Variants in NID2 observed in about 807,000 individuals in gnomAD.
NID2 encodes nidogen-2.
A neutral mutation model predicts 145.4 loss-of-function variants in NID2; 83 were observed. That is an observed-to-expected ratio of 0.57 (90% CI 0.48 to 0.69). The LOEUF is 0.69. Ranked by LOEUF, NID2 falls within the 30% of genes least tolerant of loss-of-function variation. The pLI is 0.00. For synonymous variants in NID2, 739 were observed against 701.3 expected, an observed-to-expected ratio of 1.05 and a Z score of -0.85; for missense variants, 1,807 against 1,765.7, an observed-to-expected ratio of 1.02 and a Z score of -0.42.
chr14:52,038,368 T>C (rs1393977800), intron 9 of NID2, among the ~76,000 whole-genome samples: 1 of 152,248 alleles, frequency 6.6e-6, no homozygotes, highest in Non-Finnish European at 1.5e-5. Flanking sequence ...ACATCTTTTC[T>C]GAATCTTCAA....
At chr14:52,031,030 C>A (rs1344723090) in intron 9 of NID2, among the ~76,000 whole-genome samples, 1 of 152,222 alleles carries the variant, frequency 6.6e-6, no homozygotes, top group Non-Finnish European at 1.5e-5. Flanking sequence ...CAGGGTTACA[C>A]AGTCAGAAGA....
At chr14:52,031,970 A>G (rs538169420) in intron 9 of NID2, among the ~76,000 whole-genome samples, 1 of 152,288 alleles carries the variant, frequency 6.6e-6, no homozygotes, top group East Asian at 1.9e-4. Flanking sequence ...CTCCTAATCT[A>G]GATCCCAAGT....
chr14:52,063,972 A>G (rs1343699892), intron 2 of NID2, among the ~76,000 whole-genome samples: 1 of 152,178 alleles, frequency 6.6e-6, no homozygotes, highest in Non-Finnish European at 1.5e-5. Context: ...ATTTCCATAT[A>G]TGGTTCAGCA....
At position 52,010,850 on chromosome 14, in the gene NID2, A is replaced by G. The variant is rs774608981; in HGVS notation, c.3722+26T>C. 4.4e-6 allele frequency: 7 copies of G among 1,605,586 alleles called. No individual in the cohort carries two copies. In the African/African-American group the frequency reaches 9.4e-5, roughly 21 times the overall value. On this transcript the variant is annotated intron_variant, in intron 18 of 21. Transcript: ENST00000216286. ...CTTCACATCAGGATCTACAGGTAAG[A>G]GAAGAATTAGGGAAGCCCAGCTGAC... is the stretch of plus-strand genomic sequence containing the variant.
chr14:52,031,085 C>T (rs957074055), intron 9 of NID2, among the ~76,000 whole-genome samples: 1 of 152,190 alleles, frequency 6.6e-6, no homozygotes, highest in Non-Finnish European at 1.5e-5. Flanking sequence ...GGTTCCATAG[C>T]TCATGCTTTC....
intron 18 of NID2, 180 bp from the exon 19 acceptor site, chr14:52,008,147 T>C (rs1483864958): frequency 5.8e-6 from 3 of 513,868 alleles, no homozygotes; most frequent in South Asian, 6.5e-5. Flanking sequence ...GCAGAAGTGA[T>C]AGGCTATCAC....
Position 52,038,974 on chromosome 14 carries a change from A to C in NID2, c.2030T>G (p.Val677Gly). The C allele has an allele frequency of 6.3e-7, 1 of 1,597,590 alleles. No individual in the cohort carries two copies. Among genetic ancestry groups the C allele is most frequent in the Non-Finnish European group, 8.5e-7 (1 of 1,171,462 alleles). ...GTAGTCTCTGGAACTTGTAGAGGTC[A>C]CAGCTGCAACAAACACAGTGGTAAT... ...KELYHYSDST[V>G]TSTSSRDYSL... Residue 677 changes from valine (V) to glycine (G), a missense_variant, in exon 9 of 22, where the codon GTG (valine) becomes GGG (glycine). Physicochemically the swap from Val to Gly is moderately radical, Grantham distance 109. Coordinates refer to ENST00000216286, the MANE Select transcript of NID2 (RefSeq NM_007361.4).
intron 1 of NID2, among the ~76,000 whole-genome samples, chr14:52,068,484 G>A (rs1468569190): frequency 6.6e-6 from 1 of 152,216 alleles, no homozygotes; most frequent in Non-Finnish European, 1.5e-5. Flanking sequence ...GCCTTCTCGC[G>A]GTCCTAACTG....
chr14:52,016,685 T>C (rs1151583), intron 14 of NID2, among the ~76,000 whole-genome samples: 51,953 of 152,058 alleles, frequency 0.34, 10,039 homozygotes, highest in East Asian at 0.73. Context: ...TCCACCCTTC[T>C]ATGCCCTCAC....
Position 52,053,836 on chromosome 14 carries a change from G to GTC in NID2, c.1170_1171dup (p.Thr391ArgfsTer10). ...TACCTCTGGTGGAGCTGGGCTTCTG[G>GTC]TCTCTCTCTCATCCCAGGGCTCAAC... On this transcript the variant is annotated frameshift_variant, in exon 5 of 22. Transcript: ENST00000216286. LOFTEE classifies it high-confidence loss of function. 1 of 1,614,100 alleles carries GTC rather than the reference G, an allele frequency of 6.2e-7. No individual in the cohort carries two copies. The highest frequency in any genetic ancestry group is 8.5e-7 in the Non-Finnish European group (1 of 1,180,020).
rs1217782419 is a variant in NID2 at position 52,042,776 on chromosome 14, A to C, written c.1579+6T>G. The C allele has an allele frequency of 6.2e-7, 1 of 1,613,912 alleles. No homozygotes were observed. Among genetic ancestry groups the C allele is most frequent in the Non-Finnish European group, 8.5e-7 (1 of 1,179,940 alleles). On this transcript the variant is annotated splice_donor_region_variant and intron_variant, in intron 6 of 21. Transcript: ENST00000216286. ...CACACAGGAGTTCCTGGCCCCAGTC[A>C]ATTACCTTCAGGCAGACAGTGCTTC... is the stretch of plus-strand genomic sequence containing the variant.
chr14:52,011,131 G>A (rs1009483609), intron 17 of NID2, 84 bp from the exon 18 acceptor site: 20 of 1,395,248 alleles, frequency 1.4e-5, no homozygotes, highest in Non-Finnish European at 1.8e-5. Flanking sequence ...GGGTGGGCAG[G>A]GGGGTCAGCA....
chr14:52,042,403 G>T, intron 6 of NID2, 53 bp from the exon 7 acceptor site: 1 of 1,543,168 alleles, frequency 6.5e-7, no homozygotes, highest in Non-Finnish European at 8.8e-7. Context: ...CTAGAGATGG[G>T]TGTACCCAGG....
chr14:52,008,143 G>GTGAT (rs1890866734), intron 18 of NID2, 176 bp from the exon 19 acceptor site: 1 of 523,152 alleles, frequency 1.9e-6, no homozygotes. Context: ...TATAGCAGAA[G>GTGAT]TGATAGGCTA....
rs200315854 is a variant in NID2 at position 52,040,799 on chromosome 14, C to T, written c.1878G>A (p.Thr626=). 36 of 1,614,132 alleles carry T rather than the reference C, an allele frequency of 2.2e-5. No homozygotes were observed. Among genetic ancestry groups the T allele is most frequent in the Admixed American group, 1.5e-4 (9 of 60,026 alleles). The change falls in exon 8 of 22, where the codon ACG becomes ACA. Residue 626 remains threonine (T), a synonymous_variant. Coordinates refer to ENST00000216286, the MANE Select transcript of NID2 (RefSeq NM_007361.4). The part of the protein sequence containing the change: ...MEVTFYPGEE[T]VRITQTAEGL... Reference sequence around the variant, plus strand: ...CCTCAGCAGTTTGAGTGATACGAACCGTCTCCTCTCCCGGGTAGAATGTAA... The same window carrying T: ...CCTCAGCAGTTTGAGTGATACGAACTGTCTCCTCTCCCGGGTAGAATGTAA...
intron 12 of NID2, among the ~76,000 whole-genome samples, chr14:52,024,413 C>T (rs901170263): frequency 7.2e-5 from 11 of 152,196 alleles, no homozygotes; most frequent in Non-Finnish European, 7.4e-5. Flanking sequence ...AGCAAGGAAC[C>T]AAGGCTTTCA....
intron 2 of NID2, among the ~76,000 whole-genome samples, chr14:52,064,277 T>C (rs1276163697): frequency 1.3e-5 from 2 of 152,216 alleles, no homozygotes; most frequent in African/African-American, 4.8e-5. Context: ...AACAAAATAC[T>C]TGAAATTGGG....
At chr14:52,067,629 G>A (rs1566779328) in intron 2 of NID2, among the ~76,000 whole-genome samples, 1 of 152,154 alleles carries the variant, frequency 6.6e-6, no homozygotes, top group Non-Finnish European at 1.5e-5. Context: ...TCTCATATCC[G>A]CTAAGCATTT....
chr14:52,037,850 A>G (rs1892129302), intron 9 of NID2, among the ~76,000 whole-genome samples: 1 of 152,244 alleles, frequency 6.6e-6, no homozygotes, highest in Admixed American at 6.5e-5. Context: ...TGCAATGTAC[A>G]AGTACTGCAC....
Sources: gnomAD v4.1 joint callset for allele counts (sites outside exome capture counted in the v4.1 genomes callset) on GRCh38, gnomAD v4.1.1 for gene constraint, MANE v1.5 for transcripts, NCBI Gene and HGNC (gene_info 2026-07-23, HGNC 2026-07-21) for gene names.